Variants in KAZN observed in about 807,000 individuals in gnomAD.
The protein encoded by KAZN is kazrin, periplakin interacting protein.
KAZN carries 40 observed loss-of-function variants against 87.4 expected under a neutral mutation model. The ratio of observed to expected loss-of-function variants is 0.46; its 90% confidence interval spans 0.36 to 0.60. The LOEUF (loss-of-function observed/expected upper bound fraction) is 0.60, where lower values mean the gene tolerates loss of function less well. KAZN is among the 20% of genes least tolerant of loss of function. The pLI is 0.00. For missense variants in KAZN, 898 were observed against 1,073.9 expected, an observed-to-expected ratio of 0.84 and a Z score of 2.29; for synonymous variants, 466 against 458.3, an observed-to-expected ratio of 1.02 and a Z score of -0.22.
chr1:13,996,750 C>T (rs1459709048), intron 1 of KAZN, among the ~76,000 whole-genome samples: 1 of 152,238 alleles, frequency 6.6e-6, no homozygotes, highest in African/African-American at 2.4e-5. Context: ...TCTCTGCAGA[C>T]CAGCAGACTT....
intron 2 of KAZN, chr1:14,304,715 C>A: frequency 2.5e-6 from 1 of 398,128 alleles, no homozygotes; most frequent in South Asian, 1.3e-4. Flanking sequence ...TATAACCACT[C>A]GAAATCTCTT....
intron 1 of KAZN, among the ~76,000 whole-genome samples, chr1:13,926,412 T>G (rs1032299702): frequency 6.6e-6 from 1 of 152,178 alleles, no homozygotes; most frequent in Admixed American, 6.5e-5. Context: ...TCGAATTCCA[T>G]GTTTAGGACA....
rs1414755050 is a variant in KAZN, at chr1:14,514,514, TG to T, written c.250-84468del. ...TTATATATGTAAAATATATAATATA[TG>T]AAATATATATTTTAGATATATTTTA... On this transcript the variant is annotated intron_variant, in intron 2 of 16. Transcript: ENST00000636203. Among the ~76,000 whole-genome samples, 111 of 20,618 alleles carry T rather than the reference TG, an allele frequency of 5.4e-3. 3 individuals carry two copies. The highest frequency in any genetic ancestry group is 6.5e-3 in the Non-Finnish European group (70 of 10,736). 13.5% of individuals were successfully genotyped at this position (20,618 alleles called of 152,430 possible).
At chr1:15,109,937 G>GTTTGTT (rs1553191660) in intron 13 of KAZN, among the ~76,000 whole-genome samples, 5 of 140,452 alleles carry the variant, frequency 3.6e-5, no homozygotes, top group Admixed American at 7.0e-5. Flanking sequence ...GTGTGTGTGT[G>GTTTGTT]TGTGTTTGTG....
chr1:15,113,083 G>A (rs1641711355), intron 14 of KAZN: 1 of 153,684 alleles, frequency 6.5e-6, no homozygotes. Context: ...TTCCTCAATG[G>A]AAATGCACAG....
rs1662290151 is a variant in KAZN, at chr1:14,949,996, G to A, written c.227-10688G>A. On this transcript the variant is annotated intron_variant, in intron 1 of 14. Coordinates refer to ENST00000376030, the MANE Select transcript of KAZN (RefSeq NM_201628.3). This position sits in a 1 kb window ranked among gnomAD's most constrained non-coding sequence, Gnocchi z 4.3. ...CCGGAAGAGCCTCTGCACGGAAGAC[G>A]GTTTCAACACCACCTAACGGAAAAA... is the stretch of plus-strand genomic sequence containing the variant. Among the ~76,000 whole-genome samples, 2 of 152,050 alleles carry A rather than the reference G, an allele frequency of 1.3e-5. No individual in the cohort carries two copies. The highest frequency in any genetic ancestry group is 2.4e-5 in the African/African-American group (1 of 41,362).
At chr1:14,297,066 A>G (rs1328222433) in intron 2 of KAZN, among the ~76,000 whole-genome samples, 2 of 152,166 alleles carry the variant, frequency 1.3e-5, no homozygotes, top group African/African-American at 4.8e-5. Context: ...TGGCTGAGTC[A>G]TGTATCAATT....
At chr1:15,052,307 G>C (rs970511961) in intron 4 of KAZN, among the ~76,000 whole-genome samples, 1 of 152,148 alleles carries the variant, frequency 6.6e-6, no homozygotes, top group Non-Finnish European at 1.5e-5. Context: ...AGGAGCAAAG[G>C]CACGTCTTAC....
chr1:14,063,985 C>T (rs1009057159), intron 1 of KAZN, among the ~76,000 whole-genome samples: 8 of 151,604 alleles, frequency 5.3e-5, no homozygotes, highest in South Asian at 2.1e-4. Context: ...GGTGTGATCT[C>T]GGCTCACTGC....
At chr1:14,522,944 T>C (rs1369819154) in intron 2 of KAZN, among the ~76,000 whole-genome samples, 1 of 151,996 alleles carries the variant, frequency 6.6e-6, no homozygotes, top group Non-Finnish European at 1.5e-5. Context: ...ACCCAGAGGG[T>C]CTTTCTCTAG....
At chr1:14,338,184 T>C (rs1335767485) in intron 2 of KAZN, among the ~76,000 whole-genome samples, 2 of 151,822 alleles carry the variant, frequency 1.3e-5, no homozygotes, top group South Asian at 4.2e-4. Context: ...GTTAAGAACA[T>C]GTGAACAGGC....
chr1:14,744,936 C>G (rs999594546), intron 1 of KAZN, among the ~76,000 whole-genome samples: 1 of 152,152 alleles, frequency 6.6e-6, no homozygotes, highest in East Asian at 1.9e-4. Flanking sequence ...TGCCCTGGCT[C>G]CTTGCAGCAG....
At chr1:15,084,707 G>A (rs1259093732) in intron 8 of KAZN, among the ~76,000 whole-genome samples, 1 of 152,172 alleles carries the variant, frequency 6.6e-6, no homozygotes, top group Non-Finnish European at 1.5e-5. Flanking sequence ...CTGGACCCAG[G>A]TCTCATCCCC....
At chr1:14,775,094 C>T (rs1203058206) in intron 1 of KAZN, among the ~76,000 whole-genome samples, 3 of 152,180 alleles carry the variant, frequency 2.0e-5, no homozygotes. Flanking sequence ...CGGGTGTTTA[C>T]AATAGACAGT....
At chr1:14,024,650 C>G (rs916141891) in intron 1 of KAZN, among the ~76,000 whole-genome samples, 1 of 152,178 alleles carries the variant, frequency 6.6e-6, no homozygotes, top group African/African-American at 2.4e-5. Context: ...TATTCTGGAG[C>G]AGGTGTGGCA....
At chr1:15,107,179 G>A (rs1641324950) in intron 13 of KAZN, among the ~76,000 whole-genome samples, 1 of 152,154 alleles carries the variant, frequency 6.6e-6, no homozygotes, top group Non-Finnish European at 1.5e-5. Flanking sequence ...ACCCTCCACA[G>A]TCATTGAACA....
At chr1:15,072,370 A>G (rs1046691789) in intron 8 of KAZN, among the ~76,000 whole-genome samples, 2 of 152,322 alleles carry the variant, frequency 1.3e-5, no homozygotes, top group East Asian at 3.9e-4. Context: ...ACCAGCCCTC[A>G]GAGTGCAAAT....
rs115118646 is a variant in KAZN at position 14,723,050 on chromosome 1, C to T, written c.226+123827C>T. On this transcript the variant is annotated intron_variant, in intron 1 of 14. Transcript: ENST00000376030. ...CTGAGGCAGTAGGATCACTTGAGCC[C>T]GGGAAGTCGAGGCTGCCCTGAGCTG... Among the ~76,000 whole-genome samples, 1,255 of 152,074 alleles carry T rather than the reference C, an allele frequency of 8.3e-3. 38 individuals are homozygous for T. Among genetic ancestry groups the T allele is most frequent in the African/African-American group, 0.029 (1,191 of 41,476 alleles).
chr1:14,502,284 C>G (rs1195746904), intron 2 of KAZN, among the ~76,000 whole-genome samples: 1 of 152,112 alleles, frequency 6.6e-6, no homozygotes, highest in African/African-American at 2.4e-5. Context: ...ACTGAAGAGT[C>G]TTGATATCTT....
Sources: gnomAD v4.1 joint callset for allele counts (sites outside exome capture counted in the v4.1 genomes callset) on GRCh38, gnomAD v4.1.1 for gene constraint, Gnocchi (gnomAD v3.1) non-coding constraint, MANE v1.5 for transcripts, NCBI Gene and HGNC (gene_info 2026-07-23, HGNC 2026-07-21) for gene names.